PNN: variants seen among roughly 807,000 people sequenced by gnomAD.
PNN encodes the protein pinin.
Under a neutral mutation model 76.6 loss-of-function variants are expected in PNN, and 38 were observed. The observed-to-expected ratio is 0.50, with a 90% CI of 0.38 to 0.65. PNN has a LOEUF of 0.65. Ranked by LOEUF, PNN falls within the 30% of genes least tolerant of loss-of-function variation. The probability of loss-of-function intolerance (pLI) is 0.00; values close to 1 mark genes in which losing one functional copy is unlikely to be tolerated. For missense variants in PNN, 873 were observed against 874.1 expected, an observed-to-expected ratio of 1.00 and a Z score of 0.02; for synonymous variants, 366 against 283.7, an observed-to-expected ratio of 1.29 and a Z score of -2.91.
chr14:39,177,752 T>G, intron 5 of PNN, 65 bp downstream of exon 5: 1 of 1,458,708 alleles, frequency 6.9e-7, no homozygotes, highest in Non-Finnish European at 9.6e-7. Flanking sequence ...CAAGGGATTG[T>G]TCAAGCATCC....
At chr14:39,175,445 G>T in intron 1 of PNN, 53 bp downstream of exon 1, 2 of 1,142,382 alleles carry the variant, frequency 1.8e-6, no homozygotes, top group South Asian at 1.3e-5. Context: ...CAGCCCTCAG[G>T]TCGGGGTGAA....
Position 39,181,402 on chromosome 14 carries a change from C to A in PNN, c.1693C>A (p.Arg565=), listed in dbSNP as rs569202494. 1 of 1,613,964 alleles carries A rather than the reference C, an allele frequency of 6.2e-7. No homozygotes were observed. The highest frequency in any genetic ancestry group is 8.5e-7 in the Non-Finnish European group (1 of 1,180,030). Residue 565 remains arginine (R), a synonymous_variant, in exon 9 of 9, where the codon CGA becomes AGA. Transcript: ENST00000216832. ...KTKTRSRSRG[R]ARNKTSKSRS... is the part of the protein sequence containing the mutation. ...CAAAACTAGGAGCAGAAGTAGAGGT[C>A]GAGCTAGAAATAAAACAAGCAAGAG... is the stretch of plus-strand genomic sequence containing the variant.
chr14:39,178,305 G>A (rs1210188484), intron 6 of PNN, among the ~76,000 whole-genome samples: 1 of 152,128 alleles, frequency 6.6e-6, no homozygotes, highest in Non-Finnish European at 1.5e-5. Flanking sequence ...GAGGCAGGTG[G>A]ATCACCTGAG....
rs369957940 is a variant in PNN, at chr14:39,177,935, T to C, written c.498+19T>C. 43 of 1,461,258 alleles carry C rather than the reference T, an allele frequency of 2.9e-5. No individual in the cohort carries two copies. Among genetic ancestry groups the C allele is most frequent in the Non-Finnish European group, 4.0e-5 (42 of 1,046,576 alleles). 90.5% of individuals were successfully genotyped at this position (1,461,258 alleles called of 1,614,324 possible). On this transcript the variant is annotated intron_variant, in intron 6 of 8. Coordinates refer to ENST00000216832, the MANE Select transcript of PNN (RefSeq NM_002687.4). ...TGAAAGGGTATTTATCCAAGTTTTGTTTTGCATCATATATTTAAGTTATCA... is the reference window on the plus strand; with the variant it reads ...TGAAAGGGTATTTATCCAAGTTTTGCTTTGCATCATATATTTAAGTTATCA...
At chr14:39,178,912 T>C in intron 6 of PNN, 179 bp from the exon 7 acceptor site, 1 of 563,162 alleles carries the variant, frequency 1.8e-6, no homozygotes, top group East Asian at 3.2e-5. Context: ...TTAATTTTTT[T>C]GTGTTTTTAG....
chr14:39,175,848 G>A, intron 1 of PNN: 1 of 532,934 alleles, frequency 1.9e-6, no homozygotes, highest in Admixed American at 3.7e-5. Context: ...GCTTGTTAAT[G>A]TGTGGGGGCA....
chr14:39,181,355 A>C lies in PNN; in HGVS notation c.1646A>C (p.His549Pro), dbSNP rs372629537. ...CCAGTAGAGCCAGTCTTGACAGTAC[A>C]TCCAGAGAGCAAGAGCAAAACCAAA... ...EVPVEPVLTV[H>P]PESKSKTKTR... Residue 549 changes from histidine to proline, a missense_variant, in exon 9 of 9, where the codon CAT becomes CCT. Physicochemically the swap from His to Pro is moderately conservative, Grantham distance 77. This residue lies in a region of PNN where 712 missense variants were observed against 693.1 expected (regional missense o/e 1.03). Coordinates refer to ENST00000216832, the MANE Select transcript of PNN (RefSeq NM_002687.4). The C allele has an allele frequency of 1.5e-4, 243 of 1,614,142 alleles. No homozygotes were observed. Among genetic ancestry groups the C allele is most frequent in the Non-Finnish European group, 1.9e-4 (229 of 1,180,046 alleles).
intron 6 of PNN, 27 bp from the exon 7 acceptor site, chr14:39,179,064 T>A: frequency 6.2e-7 from 1 of 1,600,184 alleles, no homozygotes; most frequent in Non-Finnish European, 8.5e-7. Flanking sequence ...AACACGTAAG[T>A]ATTAAAGCAG....
At chr14:39,179,589 A>G in intron 8 of PNN, 127 bp downstream of exon 8, 1 of 779,610 alleles carries the variant, frequency 1.3e-6, no homozygotes, top group South Asian at 2.2e-5. Context: ...TTTTTTTTTT[A>G]AATAAGATAA....
Position 39,182,035 on chromosome 14 carries a change from T to G in PNN, c.*172T>G, listed in dbSNP as rs2053274439. 1 of 566,430 alleles carries G rather than the reference T, an allele frequency of 1.8e-6. No homozygotes were observed. The highest frequency in any genetic ancestry group is 3.8e-5 in the Admixed American group (1 of 26,540). 35.1% of individuals were successfully genotyped at this position (566,430 alleles called of 1,614,324 possible). On this transcript the variant is annotated 3_prime_UTR_variant, in exon 9 of 9. Coordinates refer to ENST00000216832, the MANE Select transcript of PNN (RefSeq NM_002687.4). ...AGACATTCTTGTACTTTTTGCATAA[T>G]TTTGTAAGAGTTATTTATCAAAATT...
Position 39,182,061 on chromosome 14 carries a change from A to C in PNN, c.*198A>C. The stretch of plus-strand genomic sequence containing the variant: ...TTTGTAAGAGTTATTTATCAAAATT[A>C]TGTGAGGTTCCAAAATATGTAAAAA... On this transcript the variant is annotated 3_prime_UTR_variant, in exon 9 of 9. Coordinates refer to ENST00000216832, the MANE Select transcript of PNN (RefSeq NM_002687.4). 2.0e-6 allele frequency: 1 copy of C among 491,770 alleles called. No individual in the cohort carries two copies. Among genetic ancestry groups the C allele is most frequent in the East Asian group, 3.4e-5 (1 of 29,234 alleles). 30.5% of individuals were successfully genotyped at this position (491,770 alleles called of 1,614,324 possible). A position where few individuals can be genotyped will look rare whatever the true frequency, so the allele number is the denominator to read the frequency against.
chr14:39,180,603 G>T lies in PNN; in HGVS notation c.894G>T (p.Val298=), dbSNP rs748055088. 3 of 1,614,020 alleles carry T rather than the reference G, an allele frequency of 1.9e-6. No homozygotes were observed. In the African/African-American group the frequency reaches 4.0e-5, roughly 22 times the overall value. ...QSMKEKEHQV[V]RNEEQKAEQE... is the part of the protein sequence containing the mutation. ...TGAAGGAAAAAGAGCATCAGGTGGT[G>T]CGTAATGAAGAACAGAAGGCGGAAC... The change falls in exon 9 of 9, where the codon GTG becomes GTT. Residue 298 remains valine (V), a synonymous_variant. Transcript: ENST00000216832.
In PNN at chr14:39,177,716, T is replaced by G. The variant is rs774723869; in HGVS notation, c.422+29T>G. ...TTTCCCTGGGGGAAAAAAACTCTAG[T>G]GAAATAATGCAGTTATAAGGAAAAT... On this transcript the variant is annotated intron_variant, in intron 5 of 8. Coordinates refer to ENST00000216832, the MANE Select transcript of PNN (RefSeq NM_002687.4). 4.6e-6 allele frequency: 7 copies of G among 1,537,716 alleles called. No homozygotes were observed. In the South Asian group the frequency reaches 7.8e-5, roughly 17 times the overall value.
At chr14:39,176,386 A>G in intron 2 of PNN, 141 bp from the exon 3 acceptor site, 1 of 683,746 alleles carries the variant, frequency 1.5e-6, no homozygotes, top group East Asian at 2.7e-5. Context: ...GTAACACTAT[A>G]AAAGCATTTT....
intron 8 of PNN, among the ~76,000 whole-genome samples, chr14:39,180,197 C>T (rs1414545071): frequency 2.0e-5 from 3 of 152,096 alleles, no homozygotes; most frequent in South Asian, 4.1e-4. Flanking sequence ...TGATTTTATG[C>T]CAAAACTGGT....
In PNN at chr14:39,177,702, GA is replaced by G. The variant is rs774122794; in HGVS notation, c.422+22del. The G allele has an allele frequency of 6.1e-5, 97 of 1,578,512 alleles. No homozygotes were observed. The highest frequency in any genetic ancestry group is 1.7e-4 in the Middle Eastern group (1 of 6,022). ...GGAAAGCAAAGGTATTTCCCTGGGG[GA>G]AAAAAACTCTAGTGAAATAATGCAG... On this transcript the variant is annotated intron_variant, in intron 5 of 8. Transcript: ENST00000216832.
intron 1 of PNN, 99 bp downstream of exon 1, chr14:39,175,491 T>TG (rs1409857114): frequency 1.3e-6 from 1 of 761,342 alleles, no homozygotes; most frequent in African/African-American, 1.8e-5. Flanking sequence ...TTAAGAAGAC[T>TG]GGAACCTCGA....
Position 39,180,971 on chromosome 14 carries a change from C to T in PNN, c.1262C>T (p.Ala421Val), listed in dbSNP as rs138930152. The T allele has an allele frequency of 4.3e-5, 70 of 1,613,428 alleles. No homozygotes were observed. Among genetic ancestry groups the T allele is most frequent in the East Asian group, 2.0e-4 (9 of 44,888 alleles). The change falls in exon 9 of 9, where the codon GCT becomes GTT. Residue 421 changes from alanine (A) to valine (V), a missense_variant. Transcript: ENST00000216832. ...VESVEPSENEASKELEPEMEF... is the reference protein window; with the variant it reads ...VESVEPSENEVSKELEPEMEF... ...AGTGTAGAACCTTCAGAAAATGAAG[C>T]TAGCAAAGAATTGGAACCAGAAATG...
intron 6 of PNN, 87 bp from the exon 7 acceptor site, chr14:39,179,004 T>A (rs1343385010): frequency 7.8e-7 from 1 of 1,289,852 alleles, no homozygotes; most frequent in Non-Finnish European, 1.1e-6. Flanking sequence ...GTAATAACTT[T>A]TTATCATAAT....
Sources: gnomAD v4.1 joint callset for allele counts (sites outside exome capture counted in the v4.1 genomes callset) on GRCh38, gnomAD v4.1.1 for gene constraint, gnomAD v4.1.1 regional missense constraint, MANE v1.5 for transcripts, NCBI Gene and HGNC (gene_info 2026-07-23, HGNC 2026-07-21) for gene names.